The following FAM178B variants were observed in gnomAD, a reference collection of about 807,000 sequenced individuals.
FAM178B encodes protein FAM178B.
In FAM178B, 82 loss-of-function variants were observed where a neutral mutation model predicts 91.7. The ratio of observed to expected loss-of-function variants is 0.89; its 90% CI spans 0.75 to 1.07. FAM178B has a LOEUF of 1.07. Among genes scored for constraint, FAM178B ranks in the 50% least tolerant of loss-of-function variants. The pLI is 0.00. For missense variants in FAM178B, 769 were observed against 846.7 expected, an observed-to-expected ratio of 0.91 and a Z score of 1.14; for synonymous variants, 368 against 359.4, an observed-to-expected ratio of 1.02 and a Z score of -0.27.
chr2:96,977,338 T>TCA (rs1180451194), intron 1 of FAM178B, among the ~76,000 whole-genome samples: 2 of 126,108 alleles, frequency 1.6e-5, no homozygotes, highest in African/African-American at 6.2e-5. Flanking sequence ...TGAGCCGAGA[T>TCA]CACACCACTG....
chr2:96,918,429 G>C (rs936813167), intron 12 of FAM178B, among the ~76,000 whole-genome samples: 1 of 152,180 alleles, frequency 6.6e-6, no homozygotes, highest in Non-Finnish European at 1.5e-5. Flanking sequence ...CTGGCAATCA[G>C]GGAAATGAAA....
At chr2:96,972,803 T>C (rs1000720982) in intron 1 of FAM178B, among the ~76,000 whole-genome samples, 197 bp from the exon 2 acceptor site, 14 of 152,172 alleles carry the variant, frequency 9.2e-5, no homozygotes, top group Admixed American at 5.9e-4. Flanking sequence ...AAGGACATGA[T>C]GGGCAAATGT....
At chr2:96,895,748 C>T (rs1464292779) in intron 13 of FAM178B, among the ~76,000 whole-genome samples, 1 of 152,212 alleles carries the variant, frequency 6.6e-6, no homozygotes, top group African/African-American at 2.4e-5. Context: ...TGGCCATGGG[C>T]TAGGGGCTTG....
At chr2:96,985,560 CTT>C (rs1482166571) in intron 1 of FAM178B, among the ~76,000 whole-genome samples, 3 of 152,182 alleles carry the variant, frequency 2.0e-5, no homozygotes, top group Non-Finnish European at 4.4e-5. Flanking sequence ...AATAATCTGT[CTT>C]AAAGTGTAGC....
intron 12 of FAM178B, among the ~76,000 whole-genome samples, chr2:96,915,164 C>T (rs1357220568): frequency 6.6e-6 from 1 of 151,328 alleles, no homozygotes; most frequent in Non-Finnish European, 1.5e-5. Context: ...GGTTGGAGTG[C>T]AATGGCACAA....
chr2:96,967,853 G>C (rs1483102497), intron 4 of FAM178B, among the ~76,000 whole-genome samples: 1 of 144,516 alleles, frequency 6.9e-6, no homozygotes, highest in Admixed American at 7.0e-5. Context: ...AAGCAGGCCA[G>C]AAGATGGTTC....
chr2:96,972,716 C>A, intron 1 of FAM178B, 110 bp from the exon 2 acceptor site: 1 of 965,552 alleles, frequency 1.0e-6, no homozygotes, highest in Non-Finnish European at 1.6e-6. Flanking sequence ...CCAAGAGGGT[C>A]CGCCCTGAGG....
chr2:96,953,552 T>G (rs137956478), intron 6 of FAM178B, among the ~76,000 whole-genome samples: 1 of 152,382 alleles, frequency 6.6e-6, no homozygotes, highest in East Asian at 1.9e-4. Context: ...TTCTGCTATG[T>G]GGGCTTTGCA....
chr2:96,967,909 G>GTTTTTTTTTTTTTTTTTTTTTT (rs1318481195), intron 4 of FAM178B, among the ~76,000 whole-genome samples: 1 of 40,222 alleles, frequency 2.5e-5, no homozygotes, highest in Non-Finnish European at 1.0e-4. Flanking sequence ...ACCCTGTTTG[G>GTTTTTTTTTTTTTTTTTTTTTT]TCTTTTTTTT....
intron 8 of FAM178B, 102 bp downstream of exon 8, chr2:96,947,716 C>T (rs2153373079): frequency 1.5e-6 from 1 of 676,008 alleles, no homozygotes; most frequent in East Asian, 2.7e-5. Flanking sequence ...TGCAATGTCC[C>T]ACCAGCATCT....
At chr2:96,924,957 G>A (rs2081410481) in intron 9 of FAM178B, among the ~76,000 whole-genome samples, 1 of 152,152 alleles carries the variant, frequency 6.6e-6, no homozygotes. Flanking sequence ...GTACCAGGAA[G>A]TTGGTGCCGA....
Position 96,972,142 on chromosome 2 carries a change from G to A in FAM178B, c.323C>T (p.Thr108Ile). 6.5e-7 allele frequency: 1 copy of A among 1,537,842 alleles called. No individual in the cohort carries two copies. The highest frequency in any genetic ancestry group is 8.8e-7 in the Non-Finnish European group (1 of 1,140,774). The part of the protein sequence containing the change: ...KIQAPGETFP[T>I]DWSPPPVEFL... ...TTCCACGGGCGGGGGGCTCCAGTCA[G>A]TGGGAAACGTTTCCCCAGGTGCCTG... The change falls in exon 3 of 17, where the codon ACT becomes ATT. Residue 108 changes from threonine (T) to isoleucine (I), a missense_variant. Physicochemically the swap from Thr to Ile is moderately conservative, Grantham distance 89. Transcript: ENST00000490605.
At chr2:96,916,054 TG>T (rs930745398) in intron 12 of FAM178B, among the ~76,000 whole-genome samples, 4 of 152,192 alleles carry the variant, frequency 2.6e-5, no homozygotes, top group African/African-American at 9.7e-5. Context: ...GAATCGATGG[TG>T]GGGCACTGAG....
chr2:96,967,410 T>C (rs2082157153), intron 5 of FAM178B, 110 bp downstream of exon 5: 1 of 635,776 alleles, frequency 1.6e-6, no homozygotes, highest in Admixed American at 2.6e-5. Flanking sequence ...AATTCACAAA[T>C]AGTACACAAA....
At chr2:96,976,092 C>T (rs1287278169) in intron 1 of FAM178B, among the ~76,000 whole-genome samples, 2 of 150,748 alleles carry the variant, frequency 1.3e-5, no homozygotes, top group Non-Finnish European at 2.9e-5. Flanking sequence ...GGCCATAAAA[C>T]AATTCTTTTT....
At chr2:96,915,478 G>GT (rs940782745) in intron 12 of FAM178B, among the ~76,000 whole-genome samples, 1 of 152,080 alleles carries the variant, frequency 6.6e-6, no homozygotes, top group African/African-American at 2.4e-5. Context: ...AGAACTGGCT[G>GT]TGGGGGTAAG....
chr2:96,901,871 T>C (rs1239309005), intron 13 of FAM178B, among the ~76,000 whole-genome samples: 1 of 152,178 alleles, frequency 6.6e-6, no homozygotes, highest in Middle Eastern at 3.2e-3. Flanking sequence ...AATTAAATGC[T>C]CACTGCAACC....
intron 8 of FAM178B, among the ~76,000 whole-genome samples, chr2:96,933,084 A>C (rs1207640600): frequency 1.3e-5 from 2 of 149,792 alleles, no homozygotes; most frequent in Admixed American, 1.3e-4. Flanking sequence ...CTCTACTAAA[A>C]ATACAAAAAT....
chr2:96,878,353 C>G, intron 15 of FAM178B, 63 bp downstream of exon 15: 2 of 1,511,664 alleles, frequency 1.3e-6, no homozygotes, highest in Admixed American at 3.4e-5. Context: ...CCAACCCCCG[C>G]CGCTTGGGGG....
Sources: allele counts gnomAD v4.1 joint callset (sites outside exome capture counted in the v4.1 genomes callset), GRCh38; gene constraint gnomAD v4.1.1; transcripts MANE v1.5; gene names NCBI Gene and HGNC (gene_info 2026-07-23, HGNC 2026-07-21).